Variants in CCN6 observed in about 807,000 individuals in gnomAD.
CCN6 encodes the protein cellular communication network factor 6.
In CCN6, 31 loss-of-function variants were observed where a neutral mutation model predicts 37.4. The observed-to-expected ratio is 0.83, with a 90% CI of 0.62 to 1.12. The LOEUF (loss-of-function observed/expected upper bound fraction) is 1.12. Ranked by LOEUF, CCN6 falls within the 50% of genes most tolerant of loss-of-function variation. The pLI, the probability that CCN6 is intolerant of heterozygous loss-of-function variation, is 0.00. For missense variants in CCN6, 369 were observed against 413.8 expected (o/e 0.89, Z 0.94); for synonymous variants, 137 against 142.1 (o/e 0.96, Z 0.26).
chr6:112,063,525 TA>T (rs1175482586), intron 2 of CCN6, among the ~76,000 whole-genome samples: 5 of 152,050 alleles, frequency 3.3e-5, no homozygotes, highest in African/African-American at 4.8e-5. Flanking sequence ...ATGTAATATC[TA>T]AAAAAAATCA....
At chr6:112,053,753 G>A (rs587739372), upstream of CCN6, among the ~76,000 whole-genome samples, 51 of 152,026 alleles carry the variant, frequency 3.4e-4, no homozygotes, top group African/African-American at 1.0e-3. Context: ...TGAGCCCAGG[G>A]CACTGTGGGT....
At chr6:112,055,331 GTTCTT>G (rs1776315120) in intron 1 of CCN6, among the ~76,000 whole-genome samples, 1 of 152,316 alleles carries the variant, frequency 6.6e-6, no homozygotes, top group East Asian at 1.9e-4. Context: ...CTATTCCACT[GTTCTT>G]GAGAAAAAGC....
chr6:112,057,859 GA>G (rs1776393505), intron 1 of CCN6, among the ~76,000 whole-genome samples: 1 of 152,144 alleles, frequency 6.6e-6, no homozygotes, highest in African/African-American at 2.4e-5. Flanking sequence ...AGGAGATTGA[GA>G]AAGTGCGTTG....
At chr6:112,069,269 C>G (rs1405497448) in intron 4 of CCN6, 70 bp from the exon 5 acceptor site, 11 of 1,525,916 alleles carry the variant, frequency 7.2e-6, no homozygotes, top group Non-Finnish European at 9.8e-6. Context: ...GTACTATAAA[C>G]TATTCTACAT....
intron 1 of CCN6, among the ~76,000 whole-genome samples, chr6:112,059,519 C>A (rs112080775): frequency 0.015 from 2,231 of 152,226 alleles, 60 homozygotes; most frequent in African/African-American, 0.052. Flanking sequence ...CTCTGACATG[C>A]CTGCCTCCTT....
intron 1 of CCN6, among the ~76,000 whole-genome samples, chr6:112,058,322 A>G (rs587743515): frequency 5.3e-5 from 8 of 152,340 alleles, no homozygotes; most frequent in African/African-American, 1.4e-4. Context: ...GGAATTTCCT[A>G]CAGATACTTC....
chr6:112,064,641 T>G, intron 2 of CCN6, 114 bp from the exon 3 acceptor site: 7 of 1,533,468 alleles, frequency 4.6e-6, no homozygotes, highest in Non-Finnish European at 6.3e-6. Flanking sequence ...CCTAAGAGGT[T>G]GAGAGCTATA....
At chr6:112,054,920 A>G (rs1776302915) in intron 1 of CCN6, 1 of 179,348 alleles carries the variant, frequency 5.6e-6, no homozygotes, top group African/African-American at 2.4e-5. Flanking sequence ...TTCTCAGTCC[A>G]TGTGTTTCTC....
At chr6:112,059,962 G>T in intron 1 of CCN6, 1 of 1,348,242 alleles carries the variant, frequency 7.4e-7, no homozygotes, top group Non-Finnish European at 9.9e-7. Context: ...GTCAAAGAGG[G>T]CCTCACTGAG....
chr6:112,061,713 C>T (rs1433027888), intron 2 of CCN6, among the ~76,000 whole-genome samples: 1 of 152,146 alleles, frequency 6.6e-6, no homozygotes, highest in African/African-American at 2.4e-5. Flanking sequence ...ACAACTTTAA[C>T]CTCAGCTTTC....
chr6:112,057,054 A>T (rs888157022), intron 1 of CCN6, among the ~76,000 whole-genome samples: 1 of 152,178 alleles, frequency 6.6e-6, no homozygotes, highest in Admixed American at 6.5e-5. Context: ...ATTATCTGGA[A>T]ATGCTTCAAA....
chr6:112,061,300 C>G lies in CCN6; in HGVS notation c.346+12C>G. 1 of 1,614,060 alleles carries G rather than the reference C, an allele frequency of 6.2e-7. No homozygotes were observed. Among genetic ancestry groups the G allele is most frequent in the Non-Finnish European group, 8.5e-7 (1 of 1,179,984 alleles). On this transcript the variant is annotated intron_variant, in intron 2 of 4. Coordinates refer to ENST00000368666, the MANE Select transcript of CCN6 (RefSeq NM_198239.2). ...TGGAGTGTGTGCATGTAAGTGTCTT[C>G]TTCTGGACCTGCTGGAAAAGATTGA...
At chr6:112,058,467 T>C (rs1050407604) in intron 1 of CCN6, among the ~76,000 whole-genome samples, 3 of 152,240 alleles carry the variant, frequency 2.0e-5, no homozygotes, top group Admixed American at 2.0e-4. Context: ...GCTGGTGGTA[T>C]ACTCACAAAC....
intron 1 of CCN6, chr6:112,054,719 CGGGAAACAG>C: frequency 5.5e-6 from 2 of 365,798 alleles, no homozygotes; most frequent in Non-Finnish European, 1.0e-5. Flanking sequence ...TGGCACAGTG[CGGGAAACAG>C]TGTCTCTCCA....
intron 1 of CCN6, 148 bp from the exon 2 acceptor site, chr6:112,060,843 G>A (rs587654299): frequency 1.1e-6 from 1 of 919,964 alleles, no homozygotes; most frequent in East Asian, 2.6e-5. Context: ...AGTTTAAGGA[G>A]AGTAATTGTG....
intron 1 of CCN6, among the ~76,000 whole-genome samples, chr6:112,055,693 C>T (rs1197160734): frequency 2.6e-5 from 4 of 151,996 alleles, no homozygotes; most frequent in Admixed American, 1.3e-4. Flanking sequence ...TGGGTTCAAG[C>T]GATTGTTGTG....
rs782622834 is a variant in CCN6 at position 112,067,163 on chromosome 6, A to G, written c.590-1042A>G. ...ACATACTTTAAAGAGACTATTTCCT[A>G]TGAAGAAGGCTTTTTTTTTTTCTGG... On this transcript the variant is annotated intron_variant, in intron 3 of 4. Transcript: ENST00000368666. 128 of 580,042 alleles carry G rather than the reference A, an allele frequency of 2.2e-4. 2 individuals are homozygous for G. The highest frequency in any genetic ancestry group is 4.0e-5 in the Non-Finnish European group (17 of 419,846). 35.9% of individuals were successfully genotyped at this position (580,042 alleles called of 1,614,324 possible). A position where few individuals can be genotyped will look rare whatever the true frequency, so the allele number is the denominator to read the frequency against.
intron 1 of CCN6, among the ~76,000 whole-genome samples, chr6:112,060,241 G>T (rs1776473402): frequency 6.6e-6 from 1 of 152,172 alleles, no homozygotes. Context: ...TATTTTTAAA[G>T]AATCATTCTG....
rs1394905485 is a variant in CCN6, at chr6:112,065,036, G to T, written c.589+39G>T. 1.9e-6 allele frequency: 3 copies of T among 1,612,980 alleles called. No individual in the cohort carries two copies. In the African/African-American group the frequency reaches 4.0e-5, roughly 22 times the overall value. Reference sequence around the variant, plus strand: ...GAGCTATTTTTCACGTATGACCTTGGTGGTATTCCTTCATGTTCCTTTTAC... The same window carrying T: ...GAGCTATTTTTCACGTATGACCTTGTTGGTATTCCTTCATGTTCCTTTTAC... On this transcript the variant is annotated intron_variant, in intron 3 of 4. Transcript: ENST00000368666.
Sources: gnomAD v4.1 joint callset for allele counts (sites outside exome capture counted in the v4.1 genomes callset) on GRCh38, gnomAD v4.1.1 for gene constraint, MANE v1.5 for transcripts, NCBI Gene and HGNC (gene_info 2026-07-23, HGNC 2026-07-21) for gene names.